TKT: variants seen among roughly 807,000 people sequenced by gnomAD.
TKT encodes transketolase.
Under a neutral mutation model 63.9 loss-of-function variants are expected in TKT, and 47 were observed. That is an observed-to-expected ratio of 0.74 (90% confidence interval 0.58 to 0.94). The LOEUF (loss-of-function observed/expected upper bound fraction) is 0.94. Among genes scored for constraint, TKT ranks in the 40% least tolerant of loss-of-function variants. The pLI is 0.00. For missense variants in TKT, 721 were observed against 846.2 expected (o/e 0.85, Z 1.84); for synonymous variants, 338 against 334.1 (o/e 1.01, Z -0.13).
intron 12 of TKT, 139 bp from the exon 13 acceptor site, chr3:53,227,017 A>G: frequency 5.0e-6 from 5 of 1,006,728 alleles, no homozygotes; most frequent in Non-Finnish European, 5.7e-6. Context: ...CCCAGGGAGA[A>G]CCACTTGCCA....
intron 7 of TKT, 42 bp from the exon 8 acceptor site, chr3:53,230,663 G>T: frequency 6.2e-7 from 1 of 1,610,962 alleles, no homozygotes; most frequent in Admixed American, 1.7e-5. Context: ...CCCTCTGAGG[G>T]TGAGTGCACA....
At chr3:53,233,693 G>C (rs114030816) in intron 5 of TKT, 6,563 of 155,966 alleles carry the variant, frequency 0.042, 190 homozygotes, top group Non-Finnish European at 0.065. Context: ...TCACTCCACA[G>C]ATGCTGGATG....
At position 53,241,564 on chromosome 3, in the gene TKT, G is replaced by A. The variant is rs375773880; in HGVS notation, c.226-319C>T. ...TGGTTTGTGGCATGGGAACAACTTGGACAGACTTCTAAGCTCTAAAGCCTG... is the reference window on the plus strand; with the variant it reads ...TGGTTTGTGGCATGGGAACAACTTGAACAGACTTCTAAGCTCTAAAGCCTG... On this transcript the variant is annotated intron_variant, in intron 2 of 13. Transcript: ENST00000462138. Among the ~76,000 whole-genome samples, 8 of 152,370 alleles carry A rather than the reference G, an allele frequency of 5.3e-5. No homozygotes were observed. The East Asian group carries it at 1.2e-3, about 22-fold the overall frequency.
At chr3:53,226,541 G>T in intron 13 of TKT, 1 of 582,202 alleles carries the variant, frequency 1.7e-6, no homozygotes, top group Non-Finnish European at 2.9e-6. Flanking sequence ...TGGGCAGCAG[G>T]AGCTCCACAG....
intron 1 of TKT, among the ~76,000 whole-genome samples, chr3:53,252,556 G>A (rs1553681780): frequency 6.6e-6 from 1 of 151,946 alleles, no homozygotes; most frequent in Non-Finnish European, 1.5e-5. Context: ...TTTGAGTTCA[G>A]TGAGCTTCCC....
Position 53,228,995 on chromosome 3 carries a change from C to G in TKT, c.1395+12G>C. The stretch of plus-strand genomic sequence containing the variant: ...GGCTGCCAGCAGGAGAAAGAACAGC[C>G]ATGCAACCTACCTTTGTATTGGCGG... On this transcript the variant is annotated intron_variant, in intron 10 of 13. Transcript: ENST00000462138. 1 of 1,613,974 alleles carries G rather than the reference C, an allele frequency of 6.2e-7. No homozygotes were observed. Among genetic ancestry groups the G allele is most frequent in the East Asian group, 2.2e-5 (1 of 44,882 alleles).
At position 53,226,753 on chromosome 3, in the gene TKT, T is replaced by TA. The variant is rs1553675608; in HGVS notation, c.1696+2dup. The TA allele has an allele frequency of 1.9e-6, 3 of 1,614,100 alleles. No homozygotes were observed. The highest frequency in any genetic ancestry group is 2.5e-6 in the Non-Finnish European group (3 of 1,179,988). On this transcript the variant is annotated splice_region_variant and intron_variant, in intron 13 of 13. Transcript: ENST00000462138. ...CCAGCCTGCCTGCCCCAGGCCTCCT[T>TA]ACCTTCATAATAATGGTCCTCCACG... is the stretch of plus-strand genomic sequence containing the variant.
intron 4 of TKT, among the ~76,000 whole-genome samples, chr3:53,238,508 T>C (rs1705132520): frequency 6.6e-6 from 1 of 152,152 alleles, no homozygotes; most frequent in South Asian, 2.1e-4. Flanking sequence ...CAGAAGGTGC[T>C]CCCTGCAGCC....
chr3:53,245,138 T>C (rs1216205400), intron 1 of TKT, among the ~76,000 whole-genome samples: 1 of 151,416 alleles, frequency 6.6e-6, no homozygotes, highest in African/African-American at 2.4e-5. Context: ...ACCCCATCTC[T>C]ACTAAAAATA....
At chr3:53,254,547 A>G (rs1023832642) in intron 1 of TKT, among the ~76,000 whole-genome samples, 2 of 152,232 alleles carry the variant, frequency 1.3e-5, no homozygotes, top group Admixed American at 1.3e-4. Flanking sequence ...GAAATTGGCC[A>G]GAAGCCAGAA....
At chr3:53,251,834 A>T (rs1287037287) in intron 1 of TKT, among the ~76,000 whole-genome samples, 7 of 151,468 alleles carry the variant, frequency 4.6e-5, no homozygotes, top group African/African-American at 1.7e-4. Context: ...ACCCTGTCTT[A>T]AAAAAAAAGA....
In TKT at chr3:53,234,948, C is replaced by T. The variant is rs1321399885; in HGVS notation, c.629+35G>A. 3.8e-6 allele frequency: 6 copies of T among 1,576,966 alleles called. No individual in the cohort carries two copies. In the African/African-American group the frequency reaches 6.7e-5, roughly 18 times the overall value. On this transcript the variant is annotated intron_variant, in intron 5 of 13. Transcript: ENST00000462138. ...TGTGATCACAGACCACTCTCCCGTGCTGTGACCACACTCAGGCCACAGCCT... is the reference window on the plus strand; with the variant it reads ...TGTGATCACAGACCACTCTCCCGTGTTGTGACCACACTCAGGCCACAGCCT...
chr3:53,226,856 C>T lies in TKT; in HGVS notation c.1596G>A (p.Leu532=). Residue 532 remains leucine (L), a synonymous_variant, in exon 13 of 14, where the codon CTG becomes CTA. Coordinates refer to ENST00000462138, the MANE Select transcript of TKT (RefSeq NM_001064.4). The stretch of plus-strand genomic sequence containing the variant: ...CCAGGGGCTTGATGGTGAAGGGGTC[C>T]AGCACGCGGATGTTGATCTTTTCTG... ...LKKEKINIRV[L]DPFTIKPLDR... The T allele has an allele frequency of 1.9e-6, 3 of 1,612,354 alleles. No individual in the cohort carries two copies. The highest frequency in any genetic ancestry group is 2.7e-5 in the African/African-American group (2 of 74,992).
chr3:53,235,133 T>G lies in TKT; in HGVS notation c.479A>C (p.Glu160Ala), dbSNP rs781889303. 1.2e-5 allele frequency: 20 copies of G among 1,613,192 alleles called. No homozygotes were observed. The highest frequency in any genetic ancestry group is 5.0e-5 in the Admixed American group (3 of 59,976). Residue 160 changes from glutamate (E) to alanine (A), a missense_variant, in exon 5 of 14, where the codon GAG (glutamate) becomes GCG (alanine). Physicochemically the swap from Glu to Ala is moderately radical, Grantham distance 107. Coordinates refer to ENST00000462138, the MANE Select transcript of TKT (RefSeq NM_001064.4). ...YCLLGDGELS[E>A]GSVWEAMAFA... ...GGCCATGGCCTCCCATACAGAGCCC[T>G]CTGACAGCTCCCCGTCTCCCAGCAA...
Position 53,238,792 on chromosome 3 carries a change from C to A in TKT, c.437+1459G>T, listed in dbSNP as rs544735820. On this transcript the variant is annotated intron_variant, in intron 4 of 13. Transcript: ENST00000462138. ...CCAGCATCTTGCCTCAGCTTCCTCACCTGTAAGACGGGTCACGGTTCTCAC... is the reference window on the plus strand; with the variant it reads ...CCAGCATCTTGCCTCAGCTTCCTCAACTGTAAGACGGGTCACGGTTCTCAC... Among the ~76,000 whole-genome samples, 8 of 152,372 alleles carry A rather than the reference C, an allele frequency of 5.3e-5. No individual in the cohort carries two copies. The East Asian group carries it at 1.3e-3, about 26-fold the overall frequency.
At chr3:53,236,389 C>T (rs1705036244) in intron 4 of TKT, among the ~76,000 whole-genome samples, 2 of 152,240 alleles carry the variant, frequency 1.3e-5, no homozygotes, top group South Asian at 2.1e-4. Context: ...GGAGCACTCC[C>T]TGCAGCCTCT....
intron 4 of TKT, among the ~76,000 whole-genome samples, chr3:53,237,508 ACACAC>A (rs1553678921): frequency 3.0e-5 from 4 of 134,516 alleles, no homozygotes; most frequent in African/African-American, 1.1e-4. Flanking sequence ...ACACACACAC[ACACAC>A]ACACACACAC....
chr3:53,235,997 C>T (rs1299649803), intron 4 of TKT, among the ~76,000 whole-genome samples: 1 of 37,466 alleles, frequency 2.7e-5, no homozygotes, highest in African/African-American at 5.8e-5. Context: ...ACAGACAGGA[C>T]TTGTCTGAAG....
At chr3:53,227,974 C>A in intron 12 of TKT, 82 bp downstream of exon 12, 2 of 1,221,564 alleles carry the variant, frequency 1.6e-6, no homozygotes, top group Non-Finnish European at 2.3e-6. Context: ...CAAGAAAGAA[C>A]AGAAAGAACG....
Sources: gnomAD v4.1 joint callset for allele counts (sites outside exome capture counted in the v4.1 genomes callset) on GRCh38, gnomAD v4.1.1 for gene constraint, MANE v1.5 for transcripts, NCBI Gene and HGNC (gene_info 2026-07-23, HGNC 2026-07-21) for gene names.